Variants in CDH13 observed in about 807,000 individuals in gnomAD.
CDH13 encodes the protein cadherin 13, also known as cadherin-13.
A neutral mutation model predicts 63.8 loss-of-function variants in CDH13; 24 were observed. The ratio of observed to expected loss-of-function variants is 0.38; its 90% CI spans 0.27 to 0.53. The LOEUF (loss-of-function observed/expected upper bound fraction) is 0.53, where lower values mean the gene tolerates loss of function less well. CDH13 is among the 20% of genes least tolerant of loss of function. CDH13 has a pLI of 0.85. For missense variants in CDH13, 1,049 were observed against 903.1 expected, an observed-to-expected ratio of 1.16 and a Z score of -2.07; for synonymous variants, 503 against 355.3, an observed-to-expected ratio of 1.42 and a Z score of -4.67.
chr16:82,825,780 C>T (rs928451919), intron 1 of CDH13: 1 of 152,000 alleles, frequency 6.6e-6, no homozygotes, highest in Non-Finnish European at 1.5e-5. Flanking sequence ...TTCCTGAGCT[C>T]AGGTGATCCA....
Position 83,621,315 on chromosome 16 carries a change from C to T in CDH13, c.1101+18721C>T, listed in dbSNP as rs570758610. Among the ~76,000 whole-genome samples, 58 of 152,162 alleles carry T rather than the reference C, an allele frequency of 3.8e-4. No individual in the cohort carries two copies. In the South Asian group the frequency reaches 4.8e-3, roughly 13 times the overall value. On this transcript the variant is annotated intron_variant, in intron 8 of 13. Coordinates refer to ENST00000567109, the MANE Select transcript of CDH13 (RefSeq NM_001257.5). ...GGGGTCAGCTCTGTAGGATTCCTTG[C>T]CAGGGCTATTCCTCGGGGAATACCT...
chr16:83,207,442 C>T (rs1046592386), intron 4 of CDH13, among the ~76,000 whole-genome samples: 1 of 152,170 alleles, frequency 6.6e-6, no homozygotes, highest in African/African-American at 2.4e-5. Context: ...AATAGTATTT[C>T]TTTATATTTA....
At chr16:82,946,742 TACTC>T (rs1904766178) in intron 2 of CDH13, among the ~76,000 whole-genome samples, 1 of 150,216 alleles carries the variant, frequency 6.7e-6, no homozygotes, top group East Asian at 2.0e-4. Context: ...AGAAAAAACA[TACTC>T]ATTCAGTAAC....
At chr16:82,970,102 G>A (rs937808526) in intron 2 of CDH13, among the ~76,000 whole-genome samples, 2 of 151,892 alleles carry the variant, frequency 1.3e-5, no homozygotes, top group Admixed American at 6.6e-5. Context: ...CCTACCCATC[G>A]ACAGTGTGGT....
rs559842947 is a variant in CDH13, at chr16:83,495,302, A to T, written c.960+8647A>T. Among the ~76,000 whole-genome samples, 123 of 152,318 alleles carry T rather than the reference A, an allele frequency of 8.1e-4. 2 individuals carry two copies. Among genetic ancestry groups the T allele is most frequent in the African/African-American group, 2.9e-3 (119 of 41,580 alleles). On this transcript the variant is annotated intron_variant, in intron 7 of 13. Coordinates refer to ENST00000567109, the MANE Select transcript of CDH13 (RefSeq NM_001257.5). ...GACAACTGGAGGAGGGTGTGTTTCC[A>T]GGTTATAGGTGGATTCAAATATTTT...
intron 5 of CDH13, among the ~76,000 whole-genome samples, chr16:83,222,074 A>T (rs1395031273): frequency 2.2e-4 from 34 of 152,224 alleles, no homozygotes. Flanking sequence ...GTCTCATCTC[A>T]TCTTCATAAA....
intron 4 of CDH13, among the ~76,000 whole-genome samples, chr16:83,126,563 T>G (rs939835282): frequency 6.6e-6 from 1 of 152,122 alleles, no homozygotes; most frequent in Non-Finnish European, 1.5e-5. Flanking sequence ...AAGAAAGAGA[T>G]GTGAGTCACA....
chr16:82,979,290 T>C (rs984627204), intron 2 of CDH13, among the ~76,000 whole-genome samples: 1 of 152,186 alleles, frequency 6.6e-6, no homozygotes, highest in South Asian at 2.1e-4. Flanking sequence ...GACTGAGTTA[T>C]GACTTTTGGG....
At chr16:83,249,659 C>T (rs1457379274) in intron 5 of CDH13, among the ~76,000 whole-genome samples, 1 of 152,218 alleles carries the variant, frequency 6.6e-6, no homozygotes, top group Non-Finnish European at 1.5e-5. Flanking sequence ...AGATTTGTAG[C>T]AGAAACCTGG....
chr16:82,782,928 G>A (rs1026996181), intron 1 of CDH13, among the ~76,000 whole-genome samples: 4 of 152,152 alleles, frequency 2.6e-5, no homozygotes, highest in African/African-American at 9.7e-5. Flanking sequence ...GCTGTTACTA[G>A]GGGCAACTCT....
chr16:83,247,244 G>C (rs1231429904), intron 5 of CDH13, among the ~76,000 whole-genome samples: 3 of 152,186 alleles, frequency 2.0e-5, no homozygotes, highest in Non-Finnish European at 4.4e-5. Flanking sequence ...GAGGCATGTG[G>C]TGTGGGGTCC....
At chr16:82,851,904 C>A (rs181305689) in intron 1 of CDH13, among the ~76,000 whole-genome samples, 1 of 152,168 alleles carries the variant, frequency 6.6e-6, no homozygotes, top group African/African-American at 2.4e-5. Context: ...CCAAATTGAT[C>A]TCAATACACT....
chr16:83,482,798 A>T (rs2073801901), intron 6 of CDH13, among the ~76,000 whole-genome samples: 1 of 152,200 alleles, frequency 6.6e-6, no homozygotes, highest in Non-Finnish European at 1.5e-5. Context: ...AGAAACCCAG[A>T]TCTGCACACT....
chr16:83,238,230 AAAAG>A lies in CDH13; in HGVS notation c.636+20735_636+20738del, dbSNP rs374166356. ...GAGACTGGGTAATTCATTTAAAAAA[AAAAG>A]AGAGATTTAGTGGACTTACAGTTCC... On this transcript the variant is annotated intron_variant, in intron 5 of 13. Coordinates refer to ENST00000567109, the MANE Select transcript of CDH13 (RefSeq NM_001257.5). Among the ~76,000 whole-genome samples the A allele has an allele frequency of 1.7e-3, 256 of 151,760 alleles. 1 individual carries two copies. The highest frequency in any genetic ancestry group is 5.9e-3 in the African/African-American group (245 of 41,346).
intron 1 of CDH13, among the ~76,000 whole-genome samples, chr16:82,643,830 C>A (rs914409422): frequency 6.6e-6 from 1 of 151,960 alleles, no homozygotes; most frequent in African/African-American, 2.4e-5. Flanking sequence ...GCAGCCTTGA[C>A]CACCTGAGCT....
chr16:82,658,451 A>G lies in CDH13; in HGVS notation c.45+31314A>G, dbSNP rs534769783. 2.0e-5 allele frequency among the ~76,000 whole-genome samples: 3 copies of G among 152,362 alleles called. No individual in the cohort carries two copies. In the South Asian group the frequency reaches 6.2e-4, roughly 32 times the overall value. On this transcript the variant is annotated intron_variant, in intron 1 of 13. Coordinates refer to ENST00000567109, the MANE Select transcript of CDH13 (RefSeq NM_001257.5). ...CTGTGATAAATCCCATCATGGTTAC[A>G]TTTTAATATACTTACTTTTCTTCAT... is the stretch of plus-strand genomic sequence containing the variant.
intron 5 of CDH13, among the ~76,000 whole-genome samples, chr16:83,271,012 CCTCA>C (rs2088790011): frequency 6.6e-6 from 1 of 151,390 alleles, no homozygotes; most frequent in Non-Finnish European, 1.5e-5. Flanking sequence ...CCTTCCTCCC[CCTCA>C]CTCTAAGTGC....
chr16:83,372,364 G>A (rs2091383003), intron 6 of CDH13, among the ~76,000 whole-genome samples: 1 of 152,120 alleles, frequency 6.6e-6, no homozygotes, highest in South Asian at 2.1e-4. Context: ...CATGTGTCAT[G>A]GTACTTGGCA....
chr16:83,484,367 A>G (rs2073839846), intron 6 of CDH13, among the ~76,000 whole-genome samples: 1 of 152,176 alleles, frequency 6.6e-6, no homozygotes, highest in Admixed American at 6.5e-5. Flanking sequence ...GTTAGGTCAC[A>G]CTTTGTGAGT....
Sources: allele counts gnomAD v4.1 joint callset (sites outside exome capture counted in the v4.1 genomes callset), GRCh38; gene constraint gnomAD v4.1.1; transcripts MANE v1.5; gene names NCBI Gene and HGNC (gene_info 2026-07-23, HGNC 2026-07-21).